ZNF804A: variants seen among roughly 807,000 people sequenced by gnomAD.
ZNF804A encodes the protein zinc finger protein 804A.
Under a neutral mutation model 16.5 loss-of-function variants are expected in ZNF804A, and 2 were observed. The ratio of observed to expected loss-of-function variants is 0.12; its 90% CI spans 0.05 to 0.38. ZNF804A has a LOEUF of 0.38. Among genes scored for constraint, ZNF804A ranks in the 10% least tolerant of loss-of-function variants. The pLI, the probability that ZNF804A is intolerant of heterozygous loss-of-function variation, is 0.99. For synonymous variants in ZNF804A, 534 were observed against 489.6 expected, an observed-to-expected ratio of 1.09 and a Z score of -1.20; for missense variants, 1,473 against 1,390.7, an observed-to-expected ratio of 1.06 and a Z score of -0.94.
chr2:184,631,302 T>C (rs1351214083), intron 1 of ZNF804A, among the ~76,000 whole-genome samples: 1 of 152,044 alleles, frequency 6.6e-6, no homozygotes, highest in Non-Finnish European at 1.5e-5. Flanking sequence ...ATAAAAGCAA[T>C]AGTAGAAAAC....
chr2:184,782,165 A>G (rs946958544), intron 1 of ZNF804A, among the ~76,000 whole-genome samples: 1 of 151,740 alleles, frequency 6.6e-6, no homozygotes, highest in African/African-American at 2.4e-5. Flanking sequence ...TAGGACTTCA[A>G]CATATGAATT....
chr2:184,615,819 G>A (rs1691310630), intron 1 of ZNF804A, among the ~76,000 whole-genome samples: 1 of 152,172 alleles, frequency 6.6e-6, no homozygotes, highest in Admixed American at 6.5e-5. Flanking sequence ...GTCCACTGGA[G>A]ATCACTGGAA....
chr2:184,917,029 C>A (rs1361252316), intron 2 of ZNF804A, among the ~76,000 whole-genome samples: 2 of 152,130 alleles, frequency 1.3e-5, no homozygotes, highest in Non-Finnish European at 2.9e-5. Context: ...TAATCTACTT[C>A]ACTCAAAGTC....
chr2:184,900,226 T>A (rs1435667517), intron 2 of ZNF804A, among the ~76,000 whole-genome samples: 5 of 152,126 alleles, frequency 3.3e-5, no homozygotes, highest in African/African-American at 1.2e-4. Context: ...TTCTTATTCA[T>A]CTCTGGTGGA....
chr2:184,669,649 C>G (rs1244270185), intron 1 of ZNF804A, among the ~76,000 whole-genome samples: 1 of 151,880 alleles, frequency 6.6e-6, no homozygotes, highest in Non-Finnish European at 1.5e-5. Flanking sequence ...AATAAGAAAA[C>G]TATTTTCAAA....
chr2:184,807,751 G>A (rs966394534), intron 1 of ZNF804A, among the ~76,000 whole-genome samples: 3 of 151,708 alleles, frequency 2.0e-5, no homozygotes, highest in Non-Finnish European at 3.0e-5. Flanking sequence ...GGAATCTAAT[G>A]TGTATTGTTT....
At position 184,936,805 on chromosome 2, in the gene ZNF804A, A is replaced by G. The variant is rs777390425; in HGVS notation, c.1409A>G (p.Asn470Ser). ...TTTGACTTCAAGTCTACTAAAGTAAATAATAATCTAGATAAAAATAAGCCA... is the reference window on the plus strand; with the variant it reads ...TTTGACTTCAAGTCTACTAAAGTAAGTAATAATCTAGATAAAAATAAGCCA... Reference protein sequence around the residue: ...LCFDFKSTKVNNNLDKNKPDL... With the variant: ...LCFDFKSTKVSNNLDKNKPDL... The change falls in exon 4 of 4, where the codon AAT becomes AGT. Residue 470 changes from asparagine to serine, a missense_variant. By Grantham distance (46) the Asn-to-Ser change is conservative. Transcript: ENST00000302277. 5 of 1,613,210 alleles carry G rather than the reference A, an allele frequency of 3.1e-6. No individual in the cohort carries two copies. The highest frequency in any genetic ancestry group is 1.1e-5 in the South Asian group (1 of 91,012).
At chr2:184,848,165 C>T (rs1308731336) in intron 1 of ZNF804A, among the ~76,000 whole-genome samples, 1 of 151,930 alleles carries the variant, frequency 6.6e-6, no homozygotes, top group African/African-American at 2.4e-5. Context: ...TAGTGACCAA[C>T]TCCCATCCTG....
Position 184,880,510 on chromosome 2 carries a change from C to T in ZNF804A, c.255+13998C>T, listed in dbSNP as rs1448148794. On this transcript the variant is annotated intron_variant, in intron 2 of 3. Coordinates refer to ENST00000302277, the MANE Select transcript of ZNF804A (RefSeq NM_194250.2). Reference sequence around the variant, plus strand: ...TGGGAGAAGTTATAATATAGGCAAACACAAGTTATTGTGTAACCTAGTATC... The same window carrying T: ...TGGGAGAAGTTATAATATAGGCAAATACAAGTTATTGTGTAACCTAGTATC... 4.6e-5 allele frequency among the ~76,000 whole-genome samples: 7 copies of T among 151,948 alleles called. No individual in the cohort carries two copies. In the East Asian group the frequency reaches 1.3e-3, roughly 29 times the overall value.
At chr2:184,844,298 G>A (rs2369590) in intron 1 of ZNF804A, among the ~76,000 whole-genome samples, 151,889 of 152,182 alleles carry the variant, frequency 1, 75,799 homozygotes, top group Non-Finnish European at 1. Flanking sequence ...TTAAGATTCT[G>A]AAAAAATAAA....
intron 1 of ZNF804A, among the ~76,000 whole-genome samples, chr2:184,651,072 C>T (rs1228424490): frequency 6.6e-6 from 1 of 152,032 alleles, no homozygotes; most frequent in Admixed American, 6.6e-5. Context: ...GCCAAAACAG[C>T]ATGGTACTGG....
At chr2:184,867,271 A>G (rs1378158978) in intron 2 of ZNF804A, among the ~76,000 whole-genome samples, 3 of 152,130 alleles carry the variant, frequency 2.0e-5, no homozygotes, top group Admixed American at 6.6e-5. Flanking sequence ...AATACACAGT[A>G]TTAGCATTAA....
intron 1 of ZNF804A, among the ~76,000 whole-genome samples, chr2:184,677,029 T>C (rs907281999): frequency 1.3e-5 from 2 of 151,802 alleles, no homozygotes; most frequent in Admixed American, 1.3e-4. Context: ...ATTGAACTTT[T>C]CAAGAACATT....
intron 1 of ZNF804A, among the ~76,000 whole-genome samples, chr2:184,670,156 A>C (rs967957247): frequency 6.6e-6 from 1 of 152,054 alleles, no homozygotes; most frequent in African/African-American, 2.4e-5. Context: ...CCTAATTGCT[A>C]TTCCTTTCTA....
At chr2:184,641,546 T>A (rs1421021311) in intron 1 of ZNF804A, among the ~76,000 whole-genome samples, 1 of 152,228 alleles carries the variant, frequency 6.6e-6, no homozygotes, top group Non-Finnish European at 1.5e-5. Context: ...TTACATTTTA[T>A]CATATTTAAA....
chr2:184,643,841 G>A (rs1292831050), intron 1 of ZNF804A, among the ~76,000 whole-genome samples: 3 of 151,122 alleles, frequency 2.0e-5, no homozygotes, highest in Non-Finnish European at 4.4e-5. Context: ...ATTTTAAAAA[G>A]GCATTGGAAA....
chr2:184,672,346 C>G (rs1422242947), intron 1 of ZNF804A, among the ~76,000 whole-genome samples: 1 of 152,164 alleles, frequency 6.6e-6, no homozygotes, highest in Admixed American at 6.5e-5. Context: ...TGGAGAGGTC[C>G]TCAGAGAGAT....
At chr2:184,666,040 G>A (rs1692249311) in intron 1 of ZNF804A, among the ~76,000 whole-genome samples, 1 of 152,008 alleles carries the variant, frequency 6.6e-6, no homozygotes, top group Admixed American at 6.6e-5. Context: ...TTTTTACTGT[G>A]CTACTAACTG....
Position 184,936,103 on chromosome 2 carries a change from A to G in ZNF804A, c.707A>G (p.Tyr236Cys), listed in dbSNP as rs1283987130. The change falls in exon 4 of 4, where the codon TAC (tyrosine) becomes TGC (cysteine). Residue 236 changes from tyrosine (Y) to cysteine (C), a missense_variant. Transcript: ENST00000302277. ...TCCTCAGCTGCAGCCTTCTCTGAAT[A>G]CAGTGATGATGCCTCAGTGGGAAAA... ...LESSAAAFSE[Y>C]SDDASVGKGF... 3 of 1,613,938 alleles carry G rather than the reference A, an allele frequency of 1.9e-6. No homozygotes were observed. Among genetic ancestry groups the G allele is most frequent in the Non-Finnish European group, 2.5e-6 (3 of 1,179,958 alleles).
Sources: allele counts gnomAD v4.1 joint callset (sites outside exome capture counted in the v4.1 genomes callset), GRCh38; gene constraint gnomAD v4.1.1; transcripts MANE v1.5; gene names NCBI Gene and HGNC (gene_info 2026-07-23, HGNC 2026-07-21).